UBA6: variants seen among roughly 807,000 people sequenced by gnomAD.
The protein encoded by UBA6 is ubiquitin-like modifier-activating enzyme 6.
In UBA6, 87 loss-of-function variants were observed where a neutral mutation model predicts 148.3. The observed-to-expected ratio is 0.59, with a 90% CI of 0.49 to 0.70. The LOEUF (loss-of-function observed/expected upper bound fraction) is 0.70. Ranked by LOEUF, UBA6 falls within the 30% of genes least tolerant of loss-of-function variation. The pLI, the probability that UBA6 is intolerant of heterozygous loss-of-function variation, is 0.00. For synonymous variants in UBA6, 376 were observed against 401.0 expected (o/e 0.94, Z 0.75); for missense variants, 1,186 against 1,241.2 (o/e 0.96, Z 0.67).
At chr4:67,641,283 T>C in intron 17 of UBA6, 55 bp from the exon 18 acceptor site, 1 of 1,136,912 alleles carries the variant, frequency 8.8e-7, no homozygotes. Flanking sequence ...TTAATCTATT[T>C]TTCTTTTCTC....
chr4:67,646,617 T>C (rs966891091), intron 15 of UBA6, 107 bp downstream of exon 15: 6 of 777,952 alleles, frequency 7.7e-6, no homozygotes, highest in Non-Finnish European at 1.3e-5. Flanking sequence ...AAAAAACAAC[T>C]ACAAAAGTGA....
At chr4:67,682,060 ATT>A (rs1412844964) in intron 3 of UBA6, 57 bp downstream of exon 3, 1 of 1,299,510 alleles carries the variant, frequency 7.7e-7, no homozygotes, top group African/African-American at 1.5e-5. Flanking sequence ...AAGTTAAGTT[ATT>A]TAAACTATCT....
chr4:67,638,920 G>A, intron 19 of UBA6, 23 bp downstream of exon 19: 1 of 1,548,360 alleles, frequency 6.5e-7, no homozygotes. Flanking sequence ...AATTCTGTAG[G>A]AACATGAATT....
In UBA6 at chr4:67,614,322, G is replaced by C. The variant is rs1262943218; in HGVS notation, c.*4675C>G. 6.6e-6 allele frequency: 1 copy of C among 152,170 alleles called. No homozygotes were observed. Among genetic ancestry groups the C allele is most frequent in the Non-Finnish European group, 1.5e-5 (1 of 68,040 alleles). The allele number at this position is 152,170 out of a possible 1,614,324, so 9.4% of individuals were successfully genotyped here. A position where few individuals can be genotyped will look rare whatever the true frequency, so the allele number is the denominator to read the frequency against. ...TCTATATAAAACCAAGATGTACTCT[G>C]ACCACCTGGGGCACATGTTCTCTGG... On this transcript the variant is annotated 3_prime_UTR_variant, in exon 33 of 33. Coordinates refer to ENST00000322244, the MANE Select transcript of UBA6 (RefSeq NM_018227.6).
chr4:67,637,089 T>C (rs1381453008), intron 19 of UBA6, among the ~76,000 whole-genome samples: 1 of 146,136 alleles, frequency 6.8e-6, no homozygotes, highest in African/African-American at 2.6e-5. Flanking sequence ...CCGCCCCGTC[T>C]GAGAAGTGAG....
At position 67,680,532 on chromosome 4, in the gene UBA6, C is replaced by T. The variant is rs903870781; in HGVS notation, c.258+1031G>A. On this transcript the variant is annotated intron_variant, in intron 4 of 32. Coordinates refer to ENST00000322244, the MANE Select transcript of UBA6 (RefSeq NM_018227.6). ...ATTAAAATAAACCAAGTTCAGTATA[C>T]GAATTTTACTTGGATCCTGATTAGA... 9.2e-5 allele frequency among the ~76,000 whole-genome samples: 14 copies of T among 152,114 alleles called. No homozygotes were observed. The South Asian group carries it at 1.7e-3, about 18-fold the overall frequency.
At chr4:67,671,504 T>C (rs1034537461) in intron 7 of UBA6, among the ~76,000 whole-genome samples, 1 of 151,886 alleles carries the variant, frequency 6.6e-6, no homozygotes, top group South Asian at 2.1e-4. Flanking sequence ...AAAGTTTAAC[T>C]CTAAAGAGCA....
intron 2 of UBA6, among the ~76,000 whole-genome samples, chr4:67,684,128 A>G (rs949741669): frequency 2.0e-5 from 3 of 152,166 alleles, no homozygotes; most frequent in Non-Finnish European, 4.4e-5. Flanking sequence ...AAGTGGATGC[A>G]GCAAGTTACC....
intron 2 of UBA6, among the ~76,000 whole-genome samples, chr4:67,685,488 T>C (rs1236356793): frequency 3.9e-5 from 6 of 152,192 alleles, no homozygotes; most frequent in Admixed American, 3.9e-4. Flanking sequence ...GAGTTGATGT[T>C]TGAACAAGTT....
Position 67,657,076 on chromosome 4 carries a change from G to A in UBA6, c.1104+5113C>T, listed in dbSNP as rs186005495. ...AACATTCCATGCTCATGGATAGGAA[G>A]AATCAATATCATTAAAACGCCCATA... is the stretch of plus-strand genomic sequence containing the variant. On this transcript the variant is annotated intron_variant, in intron 13 of 32. Coordinates refer to ENST00000322244, the MANE Select transcript of UBA6 (RefSeq NM_018227.6). 3.4e-3 allele frequency among the ~76,000 whole-genome samples: 523 copies of A among 152,228 alleles called. 5 individuals carry two copies. The highest frequency in any genetic ancestry group is 0.012 in the African/African-American group (501 of 41,554).
chr4:67,639,537 G>C (rs192426792), intron 18 of UBA6, among the ~76,000 whole-genome samples: 1 of 152,080 alleles, frequency 6.6e-6, no homozygotes, highest in Non-Finnish European at 1.5e-5. Context: ...AGAGGTATGC[G>C]AGTTGAATAC....
chr4:67,659,704 G>A (rs538577457), intron 13 of UBA6, among the ~76,000 whole-genome samples: 1 of 85,304 alleles, frequency 1.2e-5, no homozygotes, highest in African/African-American at 4.2e-5. Flanking sequence ...TAGAGAGTGG[G>A]GTGCTGAGAT....
At chr4:67,699,305 C>G (rs1464845841) in intron 1 of UBA6, among the ~76,000 whole-genome samples, 1 of 152,184 alleles carries the variant, frequency 6.6e-6, no homozygotes, top group Non-Finnish European at 1.5e-5. Flanking sequence ...GCGATGGCAT[C>G]AAATTCAGGC....
chr4:67,657,826 C>CAAAA (rs57984969), intron 13 of UBA6, among the ~76,000 whole-genome samples: 1 of 115,154 alleles, frequency 8.7e-6, no homozygotes, highest in Non-Finnish European at 1.7e-5. Flanking sequence ...AACAAATTTA[C>CAAAA]AAAAAAAAAA....
chr4:67,672,074 T>C (rs867072388), intron 7 of UBA6, among the ~76,000 whole-genome samples: 52 of 152,070 alleles, frequency 3.4e-4, no homozygotes, highest in African/African-American at 1.2e-3. Flanking sequence ...GATACCAGCA[T>C]CTCTCAGCTG....
intron 11 of UBA6, 179 bp downstream of exon 11, chr4:67,663,706 C>T (rs1729920057): frequency 6.2e-6 from 3 of 482,650 alleles, no homozygotes; most frequent in Admixed American, 3.8e-5. Flanking sequence ...GAGACAAATT[C>T]ACATTTTTAA....
chr4:67,680,410 C>T (rs915164224), intron 4 of UBA6, among the ~76,000 whole-genome samples: 1 of 152,108 alleles, frequency 6.6e-6, no homozygotes, highest in African/African-American at 2.4e-5. Context: ...TACCAGTTTA[C>T]AGGAAATACA....
intron 1 of UBA6, among the ~76,000 whole-genome samples, chr4:67,698,707 C>G (rs551327208): frequency 6.6e-6 from 1 of 152,172 alleles, no homozygotes; most frequent in African/African-American, 2.4e-5. Context: ...TGCTTGTAAT[C>G]CCAGCACTTT....
intron 11 of UBA6, 23 bp from the exon 12 acceptor site, chr4:67,663,238 G>A (rs17571190): frequency 0.019 from 29,695 of 1,568,354 alleles, 388 homozygotes; most frequent in Middle Eastern, 0.022. Context: ...TTAAAAATCG[G>A]CCAACATTTA....
Sources: allele counts gnomAD v4.1 joint callset (sites outside exome capture counted in the v4.1 genomes callset), GRCh38; gene constraint gnomAD v4.1.1; transcripts MANE v1.5; gene names NCBI Gene and HGNC (gene_info 2026-07-23, HGNC 2026-07-21).